Variants in CCDC192 observed in about 807,000 individuals in gnomAD.
CCDC192 encodes the protein coiled-coil domain containing 192, also known as coiled-coil domain-containing protein 192.
At chr5:127,868,268 T>C (rs181366661) in intron 5 of CCDC192, among the ~76,000 whole-genome samples, 5 of 152,326 alleles carry the variant, frequency 3.3e-5, no homozygotes, top group Admixed American at 2.0e-4. Flanking sequence ...TCTTCAGTTC[T>C]TATGGCCAAG....
chr5:127,779,542 G>T (rs973088895), intron 3 of CCDC192, among the ~76,000 whole-genome samples: 5 of 152,146 alleles, frequency 3.3e-5, no homozygotes, highest in Middle Eastern at 6.8e-3. Flanking sequence ...TGATCCACCC[G>T]CCTCAGCCTC....
intron 5 of CCDC192, among the ~76,000 whole-genome samples, chr5:127,851,238 T>C (rs1391838306): frequency 6.6e-6 from 1 of 152,178 alleles, no homozygotes; most frequent in South Asian, 2.1e-4. Context: ...GAGCAGGGAT[T>C]AGGAAATTAT....
At chr5:127,703,323 A>G (rs375338546), upstream of CCDC192, 58 of 397,366 alleles carry the variant, frequency 1.5e-4, 1 homozygote, top group South Asian at 2.5e-3. Flanking sequence ...TCTTTTCCAC[A>G]TCCATTGTGG....
At chr5:127,931,627 C>T (rs62375893) in intron 6 of CCDC192, among the ~76,000 whole-genome samples, 28,093 of 151,980 alleles carry the variant, frequency 0.18, 2,974 homozygotes, top group Middle Eastern at 0.29. Context: ...CTTGTAGAAA[C>T]CTGGCTGATC....
chr5:127,828,691 G>C (rs2127036219), intron 5 of CCDC192, among the ~76,000 whole-genome samples: 1 of 152,272 alleles, frequency 6.6e-6, no homozygotes, highest in Admixed American at 6.5e-5. Flanking sequence ...CCTGAGAGTA[G>C]GTGGGGAGGT....
At position 127,805,918 on chromosome 5, in the gene CCDC192, A is replaced by C. The variant is rs182701639; in HGVS notation, c.411+7756A>C. 9.8e-4 allele frequency among the ~76,000 whole-genome samples: 149 copies of C among 152,270 alleles called. 1 individual carries two copies. The highest frequency in any genetic ancestry group is 2.1e-4 in the Non-Finnish European group (14 of 68,012). On this transcript the variant is annotated intron_variant, in intron 5 of 6. Coordinates refer to ENST00000514853, the MANE Select transcript of CCDC192 (RefSeq NM_001317938.2). ...TCATAGAAGAATAGCAGAAGCTTTC[A>C]AATTCCATTAGTGGGTCTTGCTGCC...
At chr5:127,903,267 G>C (rs186356052) in intron 6 of CCDC192, among the ~76,000 whole-genome samples, 35 of 148,512 alleles carry the variant, frequency 2.4e-4, no homozygotes, top group Admixed American at 1.4e-3. Flanking sequence ...TTTAGATGCA[G>C]TTTTTGGTCT....
intron 5 of CCDC192, among the ~76,000 whole-genome samples, chr5:127,834,157 T>A (rs1749928578): frequency 6.6e-6 from 1 of 152,136 alleles, no homozygotes; most frequent in Non-Finnish European, 1.5e-5. Flanking sequence ...TAGACCCTTA[T>A]CAGCCCAGAG....
At chr5:127,807,397 T>G (rs1757849943) in intron 5 of CCDC192, among the ~76,000 whole-genome samples, 1 of 152,178 alleles carries the variant, frequency 6.6e-6, no homozygotes, top group Admixed American at 6.5e-5. Context: ...TTTCTTTCCA[T>G]GGTCAATGTC....
chr5:127,886,100 C>T (rs1009391293), intron 6 of CCDC192, among the ~76,000 whole-genome samples: 2 of 152,144 alleles, frequency 1.3e-5, no homozygotes, highest in Admixed American at 6.5e-5. Context: ...CTCTTCTGCA[C>T]GTGCTTTTCT....
intron 2 of CCDC192, among the ~76,000 whole-genome samples, chr5:127,737,707 T>C (rs1753106761): frequency 6.6e-6 from 1 of 151,726 alleles, no homozygotes; most frequent in Non-Finnish European, 1.5e-5. Flanking sequence ...TCTCTTTTGA[T>C]CTTTGTTGGT....
At chr5:127,804,940 G>A (rs991259415) in intron 5 of CCDC192, among the ~76,000 whole-genome samples, 1 of 152,108 alleles carries the variant, frequency 6.6e-6, no homozygotes, top group Non-Finnish European at 1.5e-5. Context: ...CTGGCCTCAC[G>A]GGCCTCATGC....
intron 3 of CCDC192, among the ~76,000 whole-genome samples, chr5:127,765,287 T>C (rs1755155149): frequency 6.6e-6 from 1 of 152,242 alleles, no homozygotes; most frequent in Admixed American, 6.5e-5. Flanking sequence ...AGTCCCAATG[T>C]CCTTTATTAA....
In CCDC192 at chr5:127,712,918, A is replaced by G. The variant is rs553987548; in HGVS notation, c.114+5158A>G. Reference sequence around the variant, plus strand: ...GTTCGTCTACATTCTTTGCAACCCTATGAAGGTCAGCCTTTAAAATTTTAG... The same window carrying G: ...GTTCGTCTACATTCTTTGCAACCCTGTGAAGGTCAGCCTTTAAAATTTTAG... On this transcript the variant is annotated intron_variant, in intron 2 of 6. Coordinates refer to ENST00000514853, the MANE Select transcript of CCDC192 (RefSeq NM_001317938.2). Among the ~76,000 whole-genome samples the G allele has an allele frequency of 5.9e-5, 9 of 152,246 alleles. No individual in the cohort carries two copies. In the East Asian group the frequency reaches 1.5e-3, roughly 26 times the overall value.
At chr5:127,734,226 T>A (rs1232331061) in intron 2 of CCDC192, among the ~76,000 whole-genome samples, 1 of 151,808 alleles carries the variant, frequency 6.6e-6, no homozygotes. Flanking sequence ...GATTTCCAAT[T>A]TCATCCATGT....
At chr5:127,730,131 T>C (rs1752558626) in intron 2 of CCDC192, among the ~76,000 whole-genome samples, 1 of 151,758 alleles carries the variant, frequency 6.6e-6, no homozygotes, top group African/African-American at 2.4e-5. Context: ...AAAGCTAGAC[T>C]AATAAAGAAG....
chr5:127,820,729 T>A (rs902120042), intron 5 of CCDC192, among the ~76,000 whole-genome samples: 1 of 152,232 alleles, frequency 6.6e-6, no homozygotes, highest in Non-Finnish European at 1.5e-5. Context: ...TTAAGTTGAT[T>A]TTTTGTTTGT....
At chr5:127,895,049 G>A (rs1580804404) in intron 6 of CCDC192, among the ~76,000 whole-genome samples, 1 of 152,100 alleles carries the variant, frequency 6.6e-6, no homozygotes, top group East Asian at 1.9e-4. Context: ...GTTTGGTTAC[G>A]TAAGTAAGCG....
chr5:127,710,234 C>A (rs991656175), intron 2 of CCDC192, among the ~76,000 whole-genome samples: 5 of 152,314 alleles, frequency 3.3e-5, no homozygotes, highest in African/African-American at 1.2e-4. Context: ...CCTTCTTCCA[C>A]AACGCAGTCT....
Sources: allele counts gnomAD v4.1 joint callset (sites outside exome capture counted in the v4.1 genomes callset), GRCh38; gene constraint gnomAD v4.1.1; transcripts MANE v1.5; gene names NCBI Gene and HGNC (gene_info 2026-07-23, HGNC 2026-07-21).